Variants in MALRD1 observed in about 807,000 individuals in gnomAD.
The protein encoded by MALRD1 is MAM and LDL receptor class A domain containing 1, also known as MAM and LDL-receptor class A domain-containing protein 1.
A neutral mutation model predicts 242.1 loss-of-function variants in MALRD1; 247 were observed. That is an observed-to-expected ratio of 1.02 (90% CI 0.92 to 1.13). The LOEUF (loss-of-function observed/expected upper bound fraction) is 1.13. MALRD1 is among the 50% of genes most tolerant of loss of function. MALRD1 has a pLI of 0.00. For missense variants in MALRD1, 2,989 were observed against 2,533.1 expected (o/e 1.18, Z -3.86); for synonymous variants, 995 against 866.6 (o/e 1.15, Z -2.60).
intron 32 of MALRD1, among the ~76,000 whole-genome samples, chr10:19,534,172 A>G (rs1265170325): frequency 6.6e-6 from 1 of 152,158 alleles, no homozygotes; most frequent in Admixed American, 6.5e-5. Flanking sequence ...TGCTACTGAA[A>G]AAGCCCTCGC....
intron 26 of MALRD1, among the ~76,000 whole-genome samples, chr10:19,354,669 G>C (rs1481878607): frequency 6.6e-6 from 1 of 151,938 alleles, no homozygotes; most frequent in Non-Finnish European, 1.5e-5. Context: ...ATATCCTCCA[G>C]TTCCATCCAT....
At chr10:19,293,463 T>C (rs1283639094) in intron 21 of MALRD1, among the ~76,000 whole-genome samples, 1 of 152,246 alleles carries the variant, frequency 6.6e-6, no homozygotes, top group East Asian at 1.9e-4. Flanking sequence ...AAGGATCTAT[T>C]ATTTGCATTT....
intron 4 of MALRD1, among the ~76,000 whole-genome samples, chr10:19,100,834 G>A (rs1489948522): frequency 6.6e-6 from 1 of 152,068 alleles, no homozygotes; most frequent in Non-Finnish European, 1.5e-5. Context: ...CCAGAGACAT[G>A]TGATATAGTT....
chr10:19,327,020 A>G (rs1268556848), intron 22 of MALRD1, among the ~76,000 whole-genome samples: 1 of 152,012 alleles, frequency 6.6e-6, no homozygotes, highest in Non-Finnish European at 1.5e-5. Context: ...AGTACTGATG[A>G]GAATATGTTT....
intron 1 of MALRD1, among the ~76,000 whole-genome samples, chr10:19,056,619 T>A (rs1834676829): frequency 6.6e-6 from 1 of 152,118 alleles, no homozygotes; most frequent in South Asian, 2.1e-4. Context: ...TAAGATTATG[T>A]CATCTGCAAA....
chr10:19,339,754 A>G (rs1843759239), intron 24 of MALRD1, among the ~76,000 whole-genome samples: 1 of 152,114 alleles, frequency 6.6e-6, no homozygotes, highest in Non-Finnish European at 1.5e-5. Context: ...TTAATTTTTA[A>G]ATTTCTAAAT....
At chr10:19,406,954 T>A (rs938414608) in intron 28 of MALRD1, among the ~76,000 whole-genome samples, 8 of 152,138 alleles carry the variant, frequency 5.3e-5, no homozygotes, top group African/African-American at 1.9e-4. Context: ...GTTTTTCATA[T>A]AGAACCCTCG....
At chr10:19,599,627 A>G (rs1418846493) in intron 34 of MALRD1, among the ~76,000 whole-genome samples, 3 of 152,162 alleles carry the variant, frequency 2.0e-5, no homozygotes, top group Non-Finnish European at 2.9e-5. Flanking sequence ...AGTTATTGAT[A>G]TCGCATAGGT....
chr10:19,278,365 C>G (rs1379453643), intron 19 of MALRD1, among the ~76,000 whole-genome samples: 6 of 152,042 alleles, frequency 3.9e-5, no homozygotes, highest in South Asian at 2.1e-4. Flanking sequence ...TATGGTTTTC[C>G]TCTGTTTTCT....
At chr10:19,589,861 T>C (rs1282385655) in intron 33 of MALRD1, among the ~76,000 whole-genome samples, 1 of 152,198 alleles carries the variant, frequency 6.6e-6, no homozygotes, top group Non-Finnish European at 1.5e-5. Flanking sequence ...TCGTTTGCTT[T>C]CCTGATCTAA....
chr10:19,161,105 A>T lies in MALRD1; in HGVS notation c.1657-4532A>T, dbSNP rs1378494833. Among the ~76,000 whole-genome samples, 3 of 141,446 alleles carry T rather than the reference A, an allele frequency of 2.1e-5. No homozygotes were observed. The East Asian group carries it at 6.2e-4, about 29-fold the overall frequency. The allele number at this position is 141,446 out of a possible 152,430, so 92.8% of individuals were successfully genotyped here. ...ATAGCAAAGACTTGGAACCAACCCA[A>T]ATGTCCAACAATGATAGACTGGATT... On this transcript the variant is annotated intron_variant, in intron 12 of 39. Coordinates refer to ENST00000454679, the MANE Select transcript of MALRD1 (RefSeq NM_001142308.3).
At position 19,095,179 on chromosome 10, in the gene MALRD1, A is replaced by T. The variant is rs181902534; in HGVS notation, c.597+6994A>T. 6.1e-4 allele frequency among the ~76,000 whole-genome samples: 93 copies of T among 152,308 alleles called. 4 individuals are homozygous for T. The East Asian group carries it at 0.016, about 26-fold the overall frequency. On this transcript the variant is annotated intron_variant, in intron 4 of 39. Coordinates refer to ENST00000454679, the MANE Select transcript of MALRD1 (RefSeq NM_001142308.3). ...TTCAATTTTACGTTCGATTCTTTTGAGTGCCTAAGAGGAAAAGAATGGCTA... is the reference window on the plus strand; with the variant it reads ...TTCAATTTTACGTTCGATTCTTTTGTGTGCCTAAGAGGAAAAGAATGGCTA...
intron 29 of MALRD1, among the ~76,000 whole-genome samples, chr10:19,453,343 G>T (rs1835429932): frequency 6.6e-6 from 1 of 152,064 alleles, no homozygotes; most frequent in African/African-American, 2.4e-5. Context: ...GGAGGTGAGT[G>T]GTTACTTAGG....
intron 36 of MALRD1, among the ~76,000 whole-genome samples, chr10:19,689,115 A>T (rs1720557476): frequency 6.6e-6 from 1 of 152,246 alleles, no homozygotes; most frequent in Non-Finnish European, 1.5e-5. Context: ...TTATTTGTAC[A>T]GACATCTGAC....
chr10:19,213,774 A>G (rs1837178760), intron 18 of MALRD1, among the ~76,000 whole-genome samples: 1 of 152,180 alleles, frequency 6.6e-6, no homozygotes, highest in Non-Finnish European at 1.5e-5. Flanking sequence ...TGCTGGAAGT[A>G]TATATAAATA....
At chr10:19,663,032 A>G (rs1171618775) in intron 36 of MALRD1, among the ~76,000 whole-genome samples, 3 of 151,926 alleles carry the variant, frequency 2.0e-5, no homozygotes, top group African/African-American at 4.8e-5. Flanking sequence ...TATTTTATTT[A>G]TTTTTATAGA....
chr10:19,199,368 G>A (rs1324514212), intron 14 of MALRD1, among the ~76,000 whole-genome samples: 3 of 152,208 alleles, frequency 2.0e-5, no homozygotes, highest in Non-Finnish European at 4.4e-5. Flanking sequence ...AATTATTAAT[G>A]ATTTAACTTA....
At chr10:19,182,846 C>T (rs992148464) in intron 14 of MALRD1, among the ~76,000 whole-genome samples, 2 of 151,940 alleles carry the variant, frequency 1.3e-5, no homozygotes, top group Non-Finnish European at 2.9e-5. Context: ...TAAATGCTGT[C>T]GAGAAGTTTA....
chr10:19,283,305 G>A, intron 21 of MALRD1, 124 bp downstream of exon 21: 1 of 825,748 alleles, frequency 1.2e-6, no homozygotes, highest in Non-Finnish European at 1.6e-6. Flanking sequence ...AAGTTGAAAA[G>A]GAGGCTGTTT....
Sources: allele counts gnomAD v4.1 joint callset (sites outside exome capture counted in the v4.1 genomes callset), GRCh38; gene constraint gnomAD v4.1.1; transcripts MANE v1.5; gene names NCBI Gene and HGNC (gene_info 2026-07-23, HGNC 2026-07-21).